The following PRUNE2 variants were observed in gnomAD, a reference collection of about 807,000 sequenced individuals.
PRUNE2 encodes protein prune homolog 2.
A neutral mutation model predicts 252.0 loss-of-function variants in PRUNE2; 164 were observed. The observed-to-expected ratio is 0.65, with a 90% CI of 0.57 to 0.74. The LOEUF is 0.74. Among genes scored for constraint, PRUNE2 ranks in the 30% least tolerant of loss-of-function variants. PRUNE2 has a pLI of 0.00. For missense variants in PRUNE2, 3,495 were observed against 3,711.0 expected (o/e 0.94, Z 1.51); for synonymous variants, 1,292 against 1,350.2 (o/e 0.96, Z 0.94).
chr9:76,656,096 G>C (rs984738610), intron 9 of PRUNE2, among the ~76,000 whole-genome samples: 1 of 152,140 alleles, frequency 6.6e-6, no homozygotes, highest in Admixed American at 6.5e-5. Flanking sequence ...ATATATGTTG[G>C]TGAAGATGGC....
intron 11 of PRUNE2, among the ~76,000 whole-genome samples, chr9:76,647,272 C>CAATACAAT (rs1845308363): frequency 6.6e-6 from 1 of 152,128 alleles, no homozygotes; most frequent in Admixed American, 6.5e-5. Flanking sequence ...GGAGCAAAGG[C>CAATACAAT]AATACAATAA....
intron 1 of PRUNE2, among the ~76,000 whole-genome samples, chr9:76,887,278 A>C (rs538702210): frequency 6.6e-6 from 1 of 152,078 alleles, no homozygotes; most frequent in Non-Finnish European, 1.5e-5. Flanking sequence ...GAGATGACTA[A>C]ATAGCTACTG....
At chr9:76,768,180 C>T (rs1409946195) in intron 6 of PRUNE2, among the ~76,000 whole-genome samples, 2 of 151,190 alleles carry the variant, frequency 1.3e-5, no homozygotes, top group East Asian at 2.0e-4. Context: ...TGAACTAGTA[C>T]TTCCATGTCA....
intron 1 of PRUNE2, among the ~76,000 whole-genome samples, chr9:76,884,648 C>G (rs2133360524): frequency 6.6e-6 from 1 of 152,314 alleles, no homozygotes; most frequent in South Asian, 2.1e-4. Flanking sequence ...TCTCCTTTCT[C>G]TGTGGACTCC....
chr9:76,652,537 C>T lies in PRUNE2; in HGVS notation c.8503G>A (p.Val2835Met), dbSNP rs762509969. ...TCATCGGGGGTATCAAGTTCATCCA[C>T]ATTGATGTCAATTTCATCTGGACTG... The part of the protein sequence containing the change: ...LDSPDEIDIN[V>M]DELDTPDEAD... The change falls in exon 11 of 19, where the codon GTG (valine) becomes ATG (methionine). Residue 2835 changes from valine (V) to methionine (M), a missense_variant. By Grantham distance (21) the Val-to-Met change is conservative. Transcript: ENST00000376718. 4 of 1,613,442 alleles carry T rather than the reference C, an allele frequency of 2.5e-6. No individual in the cohort carries two copies. The highest frequency in any genetic ancestry group is 1.1e-5 in the South Asian group (1 of 91,048).
intron 1 of PRUNE2, among the ~76,000 whole-genome samples, chr9:76,880,369 T>C (rs1309918902): frequency 2.0e-5 from 3 of 152,214 alleles, no homozygotes; most frequent in Non-Finnish European, 4.4e-5. Flanking sequence ...GTCAAATCTA[T>C]TTTCATGAAA....
At chr9:76,655,538 A>C in intron 9 of PRUNE2, 36 bp from the exon 10 acceptor site, 2 of 1,407,556 alleles carry the variant, frequency 1.4e-6, no homozygotes, top group Non-Finnish European at 2.0e-6. Flanking sequence ...GTCAACAACA[A>C]CTGTGTAAGA....
intron 5 of PRUNE2, among the ~76,000 whole-genome samples, chr9:76,826,113 G>C (rs1234743584): frequency 6.6e-6 from 1 of 152,174 alleles, no homozygotes; most frequent in Admixed American, 6.5e-5. Flanking sequence ...TTGCAGGGGA[G>C]TCAACATTAT....
chr9:76,664,575 C>T (rs1007021467), intron 9 of PRUNE2, among the ~76,000 whole-genome samples: 1 of 152,196 alleles, frequency 6.6e-6, no homozygotes, highest in Admixed American at 6.5e-5. Flanking sequence ...GGCTGGAGCG[C>T]AATGGAGCGA....
rs193007739 is a variant in PRUNE2 at position 76,715,987 on chromosome 9, T to G, written c.757-2266A>C. ...GTTTTCCTTTCTAAGTATTTTTCGTTATGTATATAAAGGCCTCCAAATACA... is the reference window on the plus strand; with the variant it reads ...GTTTTCCTTTCTAAGTATTTTTCGTGATGTATATAAAGGCCTCCAAATACA... On this transcript the variant is annotated intron_variant, in intron 6 of 18. Transcript: ENST00000376718. 5.3e-3 allele frequency among the ~76,000 whole-genome samples: 797 copies of G among 150,014 alleles called. 7 individuals carry two copies. The highest frequency in any genetic ancestry group is 8.7e-3 in the Non-Finnish European group (584 of 67,334).
chr9:76,726,240 G>A (rs2048091296), intron 6 of PRUNE2, among the ~76,000 whole-genome samples: 2 of 152,194 alleles, frequency 1.3e-5, no homozygotes, highest in Admixed American at 1.3e-4. Context: ...CAAAACAATT[G>A]AGGTAGATTG....
At chr9:76,615,185 A>C in intron 18 of PRUNE2, 5 of 985,232 alleles carry the variant, frequency 5.1e-6, no homozygotes, top group Non-Finnish European at 6.0e-6. Flanking sequence ...TAAGCCTAAA[A>C]CTCACTCGAA....
intron 4 of PRUNE2, among the ~76,000 whole-genome samples, chr9:76,829,016 C>A (rs1212054665): frequency 0.025 from 2,356 of 94,762 alleles, no homozygotes; most frequent in South Asian, 0.036. Flanking sequence ...CACTCTGTCT[C>A]AAAAAAAAAA....
At chr9:76,769,568 G>A (rs546878206) in intron 6 of PRUNE2, among the ~76,000 whole-genome samples, 1 of 152,302 alleles carries the variant, frequency 6.6e-6, no homozygotes, top group Non-Finnish European at 1.5e-5. Flanking sequence ...TGGGATTACA[G>A]GCACGTGCCA....
chr9:76,876,763 G>T (rs558076806), intron 1 of PRUNE2, among the ~76,000 whole-genome samples: 1 of 152,304 alleles, frequency 6.6e-6, no homozygotes, highest in East Asian at 1.9e-4. Flanking sequence ...GATCTTGGAA[G>T]TGACTTAAAC....
intron 11 of PRUNE2, among the ~76,000 whole-genome samples, chr9:76,651,529 C>G (rs1053520833): frequency 1.3e-5 from 2 of 152,194 alleles, no homozygotes; most frequent in South Asian, 2.1e-4. Flanking sequence ...CCCAGACTCT[C>G]TCGCTTTCAC....
chr9:76,693,519 C>T (rs1008126487), intron 9 of PRUNE2, among the ~76,000 whole-genome samples: 2 of 144,142 alleles, frequency 1.4e-5, no homozygotes, highest in East Asian at 2.3e-4. Context: ...TGTCAGCTCA[C>T]TGCAACCTCT....
intron 15 of PRUNE2, among the ~76,000 whole-genome samples, chr9:76,633,467 G>A (rs896002654): frequency 7.2e-5 from 11 of 151,906 alleles, no homozygotes; most frequent in African/African-American, 2.7e-4. Context: ...TGTGGTCCCA[G>A]CTACTTGGGA....
At chr9:76,827,469 G>A (rs1481218083) in intron 4 of PRUNE2, among the ~76,000 whole-genome samples, 1 of 152,120 alleles carries the variant, frequency 6.6e-6, no homozygotes, top group East Asian at 1.9e-4. Flanking sequence ...ACTCTTCCCT[G>A]CATTCCAAGC....
Sources: gnomAD v4.1 joint callset for allele counts (sites outside exome capture counted in the v4.1 genomes callset) on GRCh38, gnomAD v4.1.1 for gene constraint, MANE v1.5 for transcripts, NCBI Gene and HGNC (gene_info 2026-07-23, HGNC 2026-07-21) for gene names.